The following SHROOM2 variants were observed in gnomAD, a reference collection of about 807,000 sequenced individuals.
SHROOM2 encodes the protein protein Shroom2.
Under a neutral mutation model 75.9 loss-of-function variants are expected in SHROOM2, and 33 were observed. That is an observed-to-expected ratio of 0.43 (90% CI 0.33 to 0.58). The LOEUF (loss-of-function observed/expected upper bound fraction) is 0.58. SHROOM2 is among the 20% of genes least tolerant of loss of function. SHROOM2 has a pLI of 0.04. For synonymous variants in SHROOM2, 655 were observed against 663.6 expected (o/e 0.99, Z 0.20); for missense variants, 1,434 against 1,461.2 (o/e 0.98, Z 0.30).
chrX:9,928,095 T>C (rs1160469746), intron 5 of SHROOM2, among the ~76,000 whole-genome samples: 1 of 111,818 alleles, frequency 8.9e-6, no homozygotes, highest in Admixed American at 9.4e-5. Flanking sequence ...GTCCCCTTCA[T>C]ATAAGTTCTG....
chrX:9,924,192 A>T (rs957343300), intron 5 of SHROOM2, among the ~76,000 whole-genome samples: 1 of 112,010 alleles, frequency 8.9e-6, no homozygotes, highest in Non-Finnish European at 1.9e-5. Flanking sequence ...CAAAAGTTGC[A>T]GCAGAGCCTG....
At chrX:9,928,921 A>T in intron 5 of SHROOM2, among the ~76,000 whole-genome samples, 1 of 112,705 alleles carries the variant, frequency 8.9e-6, no homozygotes, top group African/African-American at 3.2e-5. Context: ...GTACATATAG[A>T]CAGACAGACA....
At chrX:9,855,789 C>T (rs138694495) in intron 1 of SHROOM2, among the ~76,000 whole-genome samples, 101 of 111,423 alleles carry the variant, frequency 9.1e-4, no homozygotes, top group African/African-American at 2.9e-3. Flanking sequence ...TTGCCCACCA[C>T]GAACTAGGCA....
chrX:9,943,495 C>T (rs181999741), intron 8 of SHROOM2, among the ~76,000 whole-genome samples: 14 of 111,321 alleles, frequency 1.3e-4, no homozygotes, highest in East Asian at 8.5e-4. Context: ...ATAGCAAGAC[C>T]GCTTCTCTAA....
chrX:9,899,177 G>A (rs1431658299), intron 5 of SHROOM2, among the ~76,000 whole-genome samples: 2 of 110,162 alleles, frequency 1.8e-5, no homozygotes, highest in Non-Finnish European at 3.8e-5. Flanking sequence ...CACGAGAATC[G>A]CTTGAACCTG....
chrX:9,815,243 T>A (rs990195281), intron 1 of SHROOM2, among the ~76,000 whole-genome samples: 1 of 111,416 alleles, frequency 9.0e-6, no homozygotes, highest in Admixed American at 9.7e-5. Flanking sequence ...ACTATCAGTG[T>A]TCTCCATACT....
chrX:9,830,349 G>A, intron 1 of SHROOM2, among the ~76,000 whole-genome samples: 1 of 110,754 alleles, frequency 9.0e-6, no homozygotes, highest in Non-Finnish European at 1.9e-5. Context: ...CAGGGGGAGT[G>A]CTGGCGCCTG....
At chrX:9,858,737 G>A (rs560039147) in intron 1 of SHROOM2, among the ~76,000 whole-genome samples, 7 of 111,787 alleles carry the variant, frequency 6.3e-5, no homozygotes, top group African/African-American at 1.6e-4. Flanking sequence ...CCCAGGAGGC[G>A]GAGGTTGCAG....
intron 1 of SHROOM2, among the ~76,000 whole-genome samples, chrX:9,795,245 C>T (rs938818585): frequency 1.8e-5 from 2 of 111,079 alleles, no homozygotes; most frequent in Non-Finnish European, 3.8e-5. Flanking sequence ...CCATCTCAGC[C>T]TCCCAAGTAG....
chrX:9,945,970 A>T (rs2084814685), intron 9 of SHROOM2, among the ~76,000 whole-genome samples: 1 of 112,831 alleles, frequency 8.9e-6, no homozygotes, highest in Admixed American at 9.3e-5. Flanking sequence ...CCCTTTCTCC[A>T]GGTGAGGGTG....
At position 9,932,348 on chromosome X, in the gene SHROOM2, CGGA is replaced by C. The variant is rs1366226636; in HGVS notation, c.3070_3072del (p.Glu1024del). The stretch of plus-strand genomic sequence containing the variant: ...ACCCTACCTCGAGATTATAGATACT[CGGA>C]GGAGAGCACCCCAGCAGACTTGGGA... On this transcript the variant is annotated inframe_deletion, in exon 6 of 10. Transcript: ENST00000380913. The C allele has an allele frequency of 4.1e-6, 5 of 1,207,913 alleles. No individual in the cohort carries two copies. In the African/African-American group the frequency reaches 7.0e-5, roughly 17 times the overall value.
chrX:9,815,019 G>A (rs1317820101), intron 1 of SHROOM2, among the ~76,000 whole-genome samples: 5 of 111,213 alleles, frequency 4.5e-5, no homozygotes, highest in African/African-American at 1.3e-4. Flanking sequence ...TTTTGAAGCC[G>A]GGAGACAGAA....
In SHROOM2 at chrX:9,806,405, TAATC is replaced by T. The variant is rs1242198164; in HGVS notation, c.165+19698_165+19701del. Among the ~76,000 whole-genome samples, 10 of 109,090 alleles carry T rather than the reference TAATC, an allele frequency of 9.2e-5. No individual in the cohort carries two copies. In the Admixed American group the frequency reaches 1.0e-3, roughly 11 times the overall value. 94.7% of individuals were successfully genotyped at this position (109,090 alleles called of 115,157 possible). Reference sequence around the variant, plus strand: ...CTATATAATATTAATATATATAAAATAATCAAATACATCAAGTTAAACAGATTAA... The same window carrying T: ...CTATATAATATTAATATATATAAAATAAATACATCAAGTTAAACAGATTAA... On this transcript the variant is annotated intron_variant, in intron 1 of 9. Coordinates refer to ENST00000380913, the MANE Select transcript of SHROOM2 (RefSeq NM_001649.4).
chrX:9,819,329 C>T lies in SHROOM2; in HGVS notation c.165+32619C>T, dbSNP rs1426282196. Reference sequence around the variant, plus strand: ...AATACTTGGTGGGATACCTTGGAGGCCAATTAAGCGCCTTTGCAGTGTCAG... The same window carrying T: ...AATACTTGGTGGGATACCTTGGAGGTCAATTAAGCGCCTTTGCAGTGTCAG... On this transcript the variant is annotated intron_variant, in intron 1 of 9. Transcript: ENST00000380913. 5 of 502,635 alleles carry T rather than the reference C, an allele frequency of 9.9e-6. No homozygotes were observed. In the South Asian group the frequency reaches 1.2e-4, roughly 12 times the overall value. The allele number at this position is 502,635 out of a possible 1,213,427, so 41.4% of individuals were successfully genotyped here. A position where few individuals can be genotyped will look rare whatever the true frequency, so the allele number is the denominator to read the frequency against.
At chrX:9,946,645 C>T in intron 9 of SHROOM2, 26 bp from the exon 10 acceptor site, 1 of 1,195,748 alleles carries the variant, frequency 8.4e-7, no homozygotes, top group Non-Finnish European at 1.1e-6. Context: ...TCCTGGTCCT[C>T]AACAGGCTTG....
intron 2 of SHROOM2, among the ~76,000 whole-genome samples, chrX:9,875,110 A>AAAAAAAAAAAAAAAAAAACAAAAGGG (rs2084192753): frequency 1.1e-5 from 1 of 93,116 alleles, no homozygotes; most frequent in Non-Finnish European, 2.1e-5. Flanking sequence ...AAAAAAAAAA[A>AAAAAAAAAAAAAAAAAAACAAAAGGG]GGGGAGGAAG....
chrX:9,792,159 T>A (rs113651860), intron 1 of SHROOM2, among the ~76,000 whole-genome samples: 694 of 7,278 alleles, frequency 0.095, 148 homozygotes, highest in African/African-American at 0.23. Flanking sequence ...TAGAATAGAA[T>A]AATCACCAGT....
chrX:9,894,595 G>A lies in SHROOM2; in HGVS notation c.687G>A (p.Thr229=), dbSNP rs1253939728. Residue 229 remains threonine, a synonymous_variant, in exon 4 of 10, where the codon ACG becomes ACA. Transcript: ENST00000380913. Reference sequence around the variant, plus strand: ...ACCACACCTTGTCCAAAGCCGACACGTCCTCCGCAGAGAACATCCTCTACA... The same window carrying A: ...ACCACACCTTGTCCAAAGCCGACACATCCTCCGCAGAGAACATCCTCTACA... ...TPDHTLSKAD[T]SSAENILYTV... The A allele has an allele frequency of 1.2e-5, 14 of 1,210,312 alleles. No homozygotes were observed. Among genetic ancestry groups the A allele is most frequent in the Admixed American group, 6.5e-5 (3 of 45,874 alleles).
intron 1 of SHROOM2, among the ~76,000 whole-genome samples, chrX:9,804,802 G>A (rs766802103): frequency 2.7e-5 from 3 of 111,585 alleles, no homozygotes; most frequent in South Asian, 7.5e-4. Context: ...AGGGTGGAAC[G>A]TTGTAGGAAT....
Sources: gnomAD v4.1 joint callset for allele counts (sites outside exome capture counted in the v4.1 genomes callset) on GRCh38, gnomAD v4.1.1 for gene constraint, MANE v1.5 for transcripts, NCBI Gene and HGNC (gene_info 2026-07-23, HGNC 2026-07-21) for gene names.